IMMP2L: variants seen among roughly 807,000 people sequenced by gnomAD.
The protein encoded by IMMP2L is mitochondrial inner membrane protease subunit 2.
IMMP2L carries 18 observed loss-of-function variants against 19.3 expected under a neutral mutation model. The ratio of observed to expected loss-of-function variants is 0.93; its 90% CI spans 0.64 to 1.38. The LOEUF is 1.38. Among genes scored for constraint, IMMP2L ranks in the 40% most tolerant of loss-of-function variants. The pLI, the probability that IMMP2L is intolerant of heterozygous loss-of-function variation, is 0.00. For synonymous variants in IMMP2L, 76 were observed against 73.0 expected, an observed-to-expected ratio of 1.04 and a Z score of -0.21; for missense variants, 233 against 218.2, an observed-to-expected ratio of 1.07 and a Z score of -0.43.
chr7:111,223,682 C>T (rs1456415027), intron 3 of IMMP2L, among the ~76,000 whole-genome samples: 3 of 151,980 alleles, frequency 2.0e-5, no homozygotes, highest in African/African-American at 7.2e-5. Flanking sequence ...TATTGTTTTG[C>T]CTTATATTGG....
intron 3 of IMMP2L, among the ~76,000 whole-genome samples, chr7:111,273,318 A>G (rs946744917): frequency 2.0e-5 from 3 of 152,038 alleles, no homozygotes; most frequent in Admixed American, 6.6e-5. Context: ...CCGAAACATT[A>G]CTGGAACACT....
At chr7:111,083,073 A>G (rs2129576675) in intron 3 of IMMP2L, among the ~76,000 whole-genome samples, 1 of 152,292 alleles carries the variant, frequency 6.6e-6, no homozygotes, top group Non-Finnish European at 1.5e-5. Context: ...GTAGTCTCAA[A>G]TATATTTAAA....
intron 3 of IMMP2L, among the ~76,000 whole-genome samples, chr7:111,297,161 C>A (rs1821726496): frequency 6.6e-6 from 1 of 151,974 alleles, no homozygotes; most frequent in African/African-American, 2.4e-5. Context: ...CATGAATCTA[C>A]AAATGTGACA....
At chr7:110,873,119 A>T (rs973098939) in intron 5 of IMMP2L, among the ~76,000 whole-genome samples, 2 of 152,116 alleles carry the variant, frequency 1.3e-5, no homozygotes, top group Non-Finnish European at 2.9e-5. Flanking sequence ...TGTTGAATTG[A>T]GGAGAGATGT....
intron 5 of IMMP2L, among the ~76,000 whole-genome samples, chr7:110,772,570 G>A (rs1056753344): frequency 6.6e-6 from 1 of 152,148 alleles, no homozygotes; most frequent in Non-Finnish European, 1.5e-5. Flanking sequence ...TGATGCTGAG[G>A]AGTGGGCAAA....
At chr7:111,382,162 C>G (rs1831261016) in intron 3 of IMMP2L, among the ~76,000 whole-genome samples, 1 of 151,720 alleles carries the variant, frequency 6.6e-6, no homozygotes. Context: ...CACAAAAATT[C>G]TGAAAAGGAG....
chr7:111,201,195 G>A (rs771111290), intron 3 of IMMP2L, among the ~76,000 whole-genome samples: 7 of 151,802 alleles, frequency 4.6e-5, no homozygotes, highest in Admixed American at 6.6e-5. Flanking sequence ...TTCATTAAAT[G>A]GAAATGCAAA....
At chr7:111,278,910 A>T (rs535958790) in intron 3 of IMMP2L, among the ~76,000 whole-genome samples, 18 of 152,250 alleles carry the variant, frequency 1.2e-4, no homozygotes, top group African/African-American at 4.3e-4. Flanking sequence ...AGAAATATTC[A>T]TTTTAATGGT....
At chr7:111,132,631 T>C (rs552029389) in intron 3 of IMMP2L, among the ~76,000 whole-genome samples, 1 of 152,148 alleles carries the variant, frequency 6.6e-6, no homozygotes, top group Admixed American at 6.5e-5. Context: ...CTTGGGTTCT[T>C]AGGAGTTCTA....
At chr7:111,009,700 G>A (rs1029516761) in intron 3 of IMMP2L, among the ~76,000 whole-genome samples, 1 of 152,024 alleles carries the variant, frequency 6.6e-6, no homozygotes, top group African/African-American at 2.4e-5. Context: ...ATAAAAAAAG[G>A]AAGTTAATCT....
chr7:111,137,955 G>T (rs567336524), intron 3 of IMMP2L, among the ~76,000 whole-genome samples: 1 of 152,150 alleles, frequency 6.6e-6, no homozygotes, highest in Non-Finnish European at 1.5e-5. Context: ...TTCCTGAGGA[G>T]CTGGGATTAC....
chr7:111,470,621 G>C (rs1306884797), intron 3 of IMMP2L, among the ~76,000 whole-genome samples: 1 of 148,642 alleles, frequency 6.7e-6, no homozygotes, highest in Admixed American at 6.9e-5. Context: ...ACTATCCCAA[G>C]GACAAAAAAA....
intron 3 of IMMP2L, among the ~76,000 whole-genome samples, chr7:111,110,862 C>CAG (rs1441083475): frequency 6.6e-6 from 1 of 152,098 alleles, no homozygotes; most frequent in Non-Finnish European, 1.5e-5. Flanking sequence ...TAAGGGATTC[C>CAG]AGATCTTAAA....
chr7:111,491,590 C>T (rs1843109430), intron 2 of IMMP2L, among the ~76,000 whole-genome samples: 1 of 152,096 alleles, frequency 6.6e-6, no homozygotes, highest in Non-Finnish European at 1.5e-5. Flanking sequence ...AGCATAAGTC[C>T]AAAGGGCTTT....
chr7:111,403,062 G>A (rs1833602052), intron 3 of IMMP2L, among the ~76,000 whole-genome samples: 1 of 136,042 alleles, frequency 7.4e-6, no homozygotes, highest in Non-Finnish European at 1.5e-5. Context: ...GGGACTACAG[G>A]TGCAAGCTAC....
At chr7:111,260,342 C>T (rs754359647) in intron 3 of IMMP2L, among the ~76,000 whole-genome samples, 3 of 152,090 alleles carry the variant, frequency 2.0e-5, no homozygotes, top group East Asian at 1.9e-4. Flanking sequence ...TTTAATCTTA[C>T]GGGACCACCA....
intron 2 of IMMP2L, among the ~76,000 whole-genome samples, chr7:111,501,921 G>T (rs1383873189): frequency 6.6e-6 from 1 of 152,092 alleles, no homozygotes; most frequent in Non-Finnish European, 1.5e-5. Context: ...CAACTAATGA[G>T]CAAAATAACC....
chr7:111,052,056 C>A (rs967119364), intron 3 of IMMP2L, among the ~76,000 whole-genome samples: 3 of 152,184 alleles, frequency 2.0e-5, no homozygotes, highest in Middle Eastern at 3.2e-3. Flanking sequence ...AAAACAGATT[C>A]TTTGTAGCAA....
intron 1 of IMMP2L, among the ~76,000 whole-genome samples, chr7:111,548,279 T>C (rs997515879): frequency 2.6e-5 from 4 of 152,164 alleles, no homozygotes; most frequent in African/African-American, 7.2e-5. Flanking sequence ...TGCATGCTTC[T>C]CTAGAATGCT....
Sources: allele counts gnomAD v4.1 joint callset (sites outside exome capture counted in the v4.1 genomes callset), GRCh38; gene constraint gnomAD v4.1.1; transcripts MANE v1.5; gene names NCBI Gene and HGNC (gene_info 2026-07-23, HGNC 2026-07-21).